The following DNM1L variants were observed in gnomAD, a reference collection of about 807,000 sequenced individuals.
DNM1L encodes dynamin 1L.
Under a neutral mutation model 92.8 loss-of-function variants are expected in DNM1L, and 33 were observed. The ratio of observed to expected loss-of-function variants is 0.36; its 90% CI spans 0.27 to 0.48. The LOEUF (loss-of-function observed/expected upper bound fraction) is 0.48, where lower values mean the gene tolerates loss of function less well. DNM1L is among the 20% of genes least tolerant of loss of function. The probability of loss-of-function intolerance (pLI) is 0.99; values close to 1 mark genes in which losing one functional copy is unlikely to be tolerated. For synonymous variants in DNM1L, 284 were observed against 305.0 expected, an observed-to-expected ratio of 0.93 and a Z score of 0.72; for missense variants, 485 against 888.8, an observed-to-expected ratio of 0.55 and a Z score of 5.78.
chr12:32,717,076 T>TATATATAAAATATATATAAATATATAAA (rs1953417617), intron 6 of DNM1L, among the ~76,000 whole-genome samples: 2 of 132,766 alleles, frequency 1.5e-5, no homozygotes, highest in Non-Finnish European at 3.1e-5. Flanking sequence ...TACATAGGTA[T>TATATATAAAATATATATAAATATATAAA]ATATATATAT....
chr12:32,711,318 G>A, intron 5 of DNM1L: 2 of 322,064 alleles, frequency 6.2e-6, no homozygotes, highest in Non-Finnish European at 1.2e-5. Context: ...TTTTCTCTAG[G>A]TACACTTTCC....
chr12:32,717,894 C>CA lies in DNM1L; in HGVS notation c.620-749_620-748insA, dbSNP rs1403113481. ...TATATACTATATATATTTATATATACTATATATAGTATATATATAAAATAT... is the reference window on the plus strand; with the variant it reads ...TATATACTATATATATTTATATATACATATATATAGTATATATATAAAATAT... On this transcript the variant is annotated intron_variant, in intron 6 of 19. Coordinates refer to ENST00000549701, the MANE Select transcript of DNM1L (RefSeq NM_012062.5). Among the ~76,000 whole-genome samples, 36 of 94,256 alleles carry CA rather than the reference C, an allele frequency of 3.8e-4. 3 individuals carry two copies. The highest frequency in any genetic ancestry group is 1.6e-3 in the African/African-American group (36 of 22,038). 61.8% of individuals were successfully genotyped at this position (94,256 alleles called of 152,430 possible). A position where few individuals can be genotyped will look rare whatever the true frequency, so the allele number is the denominator to read the frequency against.
chr12:32,743,725 A>G lies in DNM1L; in HGVS notation c.*315A>G. ...TGTGCAAAGCAGTTTGCCTGTGGAT[A>G]AGATGACCTGTGTAATAATCTTTGT... is the stretch of plus-strand genomic sequence containing the variant. On this transcript the variant is annotated 3_prime_UTR_variant, in exon 20 of 20. Coordinates refer to ENST00000549701, the MANE Select transcript of DNM1L (RefSeq NM_012062.5). 2.8e-6 allele frequency: 1 copy of G among 363,428 alleles called. No individual in the cohort carries two copies. The highest frequency in any genetic ancestry group is 5.1e-6 in the Non-Finnish European group (1 of 195,876). The allele number at this position is 363,428 out of a possible 1,614,324, so 22.5% of individuals were successfully genotyped here.
intron 1 of DNM1L, among the ~76,000 whole-genome samples, chr12:32,700,961 G>C (rs1356615896): frequency 6.6e-6 from 1 of 152,090 alleles, no homozygotes; most frequent in African/African-American, 2.4e-5. Context: ...TCATGTAATA[G>C]GAAATAAAAT....
intron 6 of DNM1L, among the ~76,000 whole-genome samples, chr12:32,715,629 G>A (rs966455032): frequency 1.3e-5 from 2 of 152,130 alleles, no homozygotes; most frequent in Non-Finnish European, 2.9e-5. Context: ...CTACTGGGGA[G>A]GCTGAGACAT....
rs779714779 is a variant in DNM1L at position 32,718,682 on chromosome 12, T to C, written c.659T>C (p.Met220Thr). The C allele has an allele frequency of 6.2e-7, 1 of 1,613,996 alleles. No individual in the cohort carries two copies. Among genetic ancestry groups the C allele is most frequent in the South Asian group, 1.1e-5 (1 of 91,080 alleles). ...TLAVITKLDL[M>T]DAGTDAMDVL... ...GCTGTAATCACTAAACTTGATCTCA[T>C]GGATGCGGGTACTGATGCCATGGAT... Residue 220 changes from methionine to threonine, a missense_variant, in exon 7 of 20, where the codon ATG (methionine) becomes ACG (threonine). Coordinates refer to ENST00000549701, the MANE Select transcript of DNM1L (RefSeq NM_012062.5).
intron 9 of DNM1L, among the ~76,000 whole-genome samples, chr12:32,729,627 T>G (rs1359829364): frequency 6.6e-6 from 1 of 151,940 alleles, no homozygotes; most frequent in Non-Finnish European, 1.5e-5. Context: ...TTTTTGTATT[T>G]GTTTGCATTT....
chr12:32,705,452 G>A, intron 2 of DNM1L: 1 of 176,076 alleles, frequency 5.7e-6, no homozygotes, highest in East Asian at 1.5e-4. Context: ...AGAACAAGGA[G>A]TTCCATCTGT....
chr12:32,743,509 G>A lies in DNM1L; in HGVS notation c.*99G>A, dbSNP rs925487264. On this transcript the variant is annotated 3_prime_UTR_variant, in exon 20 of 20. Transcript: ENST00000549701. ...TTATGAACTCCTGTGTATTGCAATG[G>A]TATGAATCTGCTCATGTGGAGACTG... The A allele has an allele frequency of 2.6e-6, 3 of 1,144,678 alleles. No homozygotes were observed. In the South Asian group the frequency reaches 3.8e-5, roughly 15 times the overall value. 70.9% of individuals were successfully genotyped at this position (1,144,678 alleles called of 1,614,324 possible). A position where few individuals can be genotyped will look rare whatever the true frequency, so the allele number is the denominator to read the frequency against.
At chr12:32,681,624 G>A in intron 1 of DNM1L, among the ~76,000 whole-genome samples, 1 of 130,394 alleles carries the variant, frequency 7.7e-6, no homozygotes, top group Non-Finnish European at 1.5e-5. Context: ...TTTTTGTAGT[G>A]TGTTGGGGAA....
Position 32,679,471 on chromosome 12 carries a change from A to G in DNM1L, c.102+6A>G. 6.2e-7 allele frequency: 1 copy of G among 1,609,896 alleles called. No homozygotes were observed. Among genetic ancestry groups the G allele is most frequent in the Non-Finnish European group, 8.5e-7 (1 of 1,178,720 alleles). On this transcript the variant is annotated splice_donor_region_variant and intron_variant, in intron 1 of 19. Transcript: ENST00000549701. Reference sequence around the variant, plus strand: ...TCGTCGTAGTGGGAACGCAGGTGAGAGCAGCAGGCGGCGTTCGCTCGGGCC... The same window carrying G: ...TCGTCGTAGTGGGAACGCAGGTGAGGGCAGCAGGCGGCGTTCGCTCGGGCC...
intron 1 of DNM1L, among the ~76,000 whole-genome samples, chr12:32,686,502 TTC>T (rs2137224160): frequency 6.6e-6 from 1 of 152,350 alleles, no homozygotes; most frequent in African/African-American, 2.4e-5. Context: ...CTGAGTAATA[TTC>T]TGTTATATGT....
intron 1 of DNM1L, among the ~76,000 whole-genome samples, chr12:32,686,986 G>T (rs532223383): frequency 7.4e-6 from 1 of 135,884 alleles, no homozygotes; most frequent in African/African-American, 2.8e-5. Flanking sequence ...TTGCCCAGGT[G>T]GCCAGGCTGG....
At chr12:32,710,002 T>C (rs1953064899) in intron 4 of DNM1L, among the ~76,000 whole-genome samples, 1 of 152,016 alleles carries the variant, frequency 6.6e-6, no homozygotes, top group African/African-American at 2.4e-5. Context: ...GTTAAACAGG[T>C]GATGAGAGGA....
intron 5 of DNM1L, chr12:32,711,264 G>A (rs369352356): frequency 7.8e-5 from 34 of 433,134 alleles, no homozygotes; most frequent in African/African-American, 6.4e-4. Flanking sequence ...TCTCCCCAAT[G>A]TCTAAACAGT....
rs1269167435 is a variant in DNM1L, at chr12:32,731,194, A to G, written c.1200+60A>G. Reference sequence around the variant, plus strand: ...AATGAGGTTAAAGTTTTTCTTACCCATATACTGTGTCTTTTTAAATTTAAT... The same window carrying G: ...AATGAGGTTAAAGTTTTTCTTACCCGTATACTGTGTCTTTTTAAATTTAAT... On this transcript the variant is annotated intron_variant, in intron 10 of 19. Coordinates refer to ENST00000549701, the MANE Select transcript of DNM1L (RefSeq NM_012062.5). The surrounding 1 kb of genome is among the most constrained non-coding windows in gnomAD (Gnocchi z 5.1). The G allele has an allele frequency of 6.2e-7, 1 of 1,607,832 alleles. No individual in the cohort carries two copies. Among genetic ancestry groups the G allele is most frequent in the Non-Finnish European group, 8.5e-7 (1 of 1,176,188 alleles).
chr12:32,710,846 G>A (rs768221487), intron 4 of DNM1L, 83 bp from the exon 5 acceptor site: 2 of 1,127,406 alleles, frequency 1.8e-6, no homozygotes, highest in Non-Finnish European at 2.5e-6. Flanking sequence ...ATTTTTAAAA[G>A]CATTAATGTC....
rs956840319 is a variant in DNM1L at position 32,745,626 on chromosome 12, T to C, written c.*2216T>C. 3 of 152,410 alleles carry C rather than the reference T, an allele frequency of 2.0e-5. No individual in the cohort carries two copies. The highest frequency in any genetic ancestry group is 7.2e-5 in the African/African-American group (3 of 41,466). 9.4% of individuals were successfully genotyped at this position (152,410 alleles called of 1,614,324 possible). Reference sequence around the variant, plus strand: ...AAAAGGAGCTTTTTAATACCTAATCTACTTTGGAACATAACCGTATAGAGT... The same window carrying C: ...AAAAGGAGCTTTTTAATACCTAATCCACTTTGGAACATAACCGTATAGAGT... On this transcript the variant is annotated 3_prime_UTR_variant, in exon 20 of 20. Transcript: ENST00000549701.
chr12:32,736,389 C>G (rs935123386), intron 13 of DNM1L, among the ~76,000 whole-genome samples: 1 of 152,074 alleles, frequency 6.6e-6, no homozygotes, highest in Non-Finnish European at 1.5e-5. Flanking sequence ...TAATCTTTTA[C>G]CTATCTTGGT....
Sources: gnomAD v4.1 joint callset for allele counts (sites outside exome capture counted in the v4.1 genomes callset) on GRCh38, gnomAD v4.1.1 for gene constraint, Gnocchi (gnomAD v3.1) non-coding constraint, MANE v1.5 for transcripts, NCBI Gene and HGNC (gene_info 2026-07-23, HGNC 2026-07-21) for gene names.